The following EXT2 variants were observed in gnomAD, a reference collection of about 807,000 sequenced individuals.
EXT2 encodes the protein exostosin glycosyltransferase 2.
A neutral mutation model predicts 81.6 loss-of-function variants in EXT2; 53 were observed. The observed-to-expected ratio is 0.65, with a 90% CI of 0.52 to 0.82. The LOEUF (loss-of-function observed/expected upper bound fraction) is 0.82, where lower values mean the gene tolerates loss of function less well. Ranked by LOEUF, EXT2 falls within the 40% of genes least tolerant of loss-of-function variation. The pLI is 0.00. For missense variants in EXT2, 774 were observed against 910.2 expected (o/e 0.85, Z 1.93); for synonymous variants, 320 against 340.0 (o/e 0.94, Z 0.65).
Position 44,220,817 on chromosome 11 carries a change from GA to G in EXT2, c.1663-11534del, listed in dbSNP as rs761921246. 2.0e-5 allele frequency among the ~76,000 whole-genome samples: 3 copies of G among 152,182 alleles called. No individual in the cohort carries two copies. Among genetic ancestry groups the G allele is most frequent in the Non-Finnish European group, 2.9e-5 (2 of 68,032 alleles). On this transcript the variant is annotated intron_variant, in intron 10 of 13. Coordinates refer to ENST00000533608, the MANE Select transcript of EXT2 (RefSeq NM_207122.2). This position sits in a 1 kb window ranked among gnomAD's most constrained non-coding sequence, Gnocchi z 4.4. ...AAAGAAGATCCCAAGTAGTGGGCCA[GA>G]AGCCCAGGGAGGTGCTGAAGGAAGC... is the stretch of plus-strand genomic sequence containing the variant.
chr11:44,105,998 TG>T (rs1451863363), intron 1 of EXT2, among the ~76,000 whole-genome samples: 1 of 152,206 alleles, frequency 6.6e-6, no homozygotes, highest in African/African-American at 2.4e-5. Flanking sequence ...CCGTGTCCAC[TG>T]GGGCAGGTTG....
intron 8 of EXT2, among the ~76,000 whole-genome samples, chr11:44,194,608 C>G: frequency 6.6e-6 from 1 of 152,092 alleles, no homozygotes; most frequent in Non-Finnish European, 1.5e-5. Context: ...ACATCATTTG[C>G]TATTTCTAGT....
In EXT2 at chr11:44,114,214, C is replaced by T. The variant is rs202208526; in HGVS notation, c.656C>T (p.Thr219Met). Residue 219 changes from threonine to methionine, a missense_variant, in exon 4 of 14, where the codon ACG (threonine) becomes ATG (methionine). Transcript: ENST00000533608. The stretch of plus-strand genomic sequence containing the variant: ...CTGTTGGCTGGTGGCGGCTTTTCTA[C>T]GTGGACTTACCGGCAAGGCTACGAT... ...RALLAGGGFS[T>M]WTYRQGYDVS... 1.2e-5 allele frequency: 19 copies of T among 1,613,956 alleles called. No homozygotes were observed. The highest frequency in any genetic ancestry group is 1.0e-4 in the Admixed American group (6 of 60,002).
chr11:44,224,174 A>T (rs1345413095), intron 10 of EXT2, among the ~76,000 whole-genome samples: 1 of 152,232 alleles, frequency 6.6e-6, no homozygotes, highest in African/African-American at 2.4e-5. Context: ...TTTAAAAAAT[A>T]TTGGGAGCTT....
intron 1 of EXT2, chr11:44,103,739 G>A: frequency 5.2e-6 from 2 of 387,146 alleles, no homozygotes; most frequent in South Asian, 4.0e-5. Flanking sequence ...TCCTTGAGAT[G>A]CTTTTGGTAA....
At chr11:44,226,274 TC>T (rs1955837334) in intron 10 of EXT2, among the ~76,000 whole-genome samples, 1 of 152,182 alleles carries the variant, frequency 6.6e-6, no homozygotes, top group Non-Finnish European at 1.5e-5. Flanking sequence ...TTAAGCAAGC[TC>T]CTGCCTGGGG....
At position 44,248,712 on chromosome 11, in the gene EXT2, C is replaced by T. The variant is rs1956115634; in HGVS notation, c.*4425C>T. Among the ~76,000 whole-genome samples the T allele has an allele frequency of 6.6e-6, 1 of 152,178 alleles. No homozygotes were observed. Among genetic ancestry groups the T allele is most frequent in the South Asian group, 2.1e-4 (1 of 4,826 alleles). Reference sequence around the variant, plus strand: ...CAAGCCACAGCCTCTTTTCCACCTCCATTAAATGGACTGTTAGGGATGCCC... The same window carrying T: ...CAAGCCACAGCCTCTTTTCCACCTCTATTAAATGGACTGTTAGGGATGCCC... On this transcript the variant is annotated 3_prime_UTR_variant, in exon 14 of 14. Transcript: ENST00000533608.
intron 8 of EXT2, among the ~76,000 whole-genome samples, chr11:44,192,218 C>T (rs188862424): frequency 5.3e-5 from 8 of 152,130 alleles, no homozygotes; most frequent in Admixed American, 5.2e-4. Context: ...CTTTGGCCAG[C>T]CCTCTCCTGC....
chr11:44,223,212 T>C (rs1265764498), intron 10 of EXT2, among the ~76,000 whole-genome samples: 1 of 152,182 alleles, frequency 6.6e-6, no homozygotes, highest in Non-Finnish European at 1.5e-5. Flanking sequence ...CTCTGAAAAA[T>C]AGTTTTGGTA....
chr11:44,103,578 G>A, intron 1 of EXT2: 1 of 399,896 alleles, frequency 2.5e-6, no homozygotes. Context: ...CTGAACTCTG[G>A]AATAATTTGT....
intron 13 of EXT2, 34 bp from the exon 14 acceptor site, chr11:44,244,115 C>A: frequency 6.2e-7 from 1 of 1,611,082 alleles, no homozygotes; most frequent in South Asian, 1.1e-5. Context: ...TCTGCTCAAA[C>A]CCCTCCTCCC....
intron 8 of EXT2, among the ~76,000 whole-genome samples, chr11:44,177,209 G>T (rs1450210795): frequency 6.6e-6 from 1 of 152,166 alleles, no homozygotes; most frequent in South Asian, 2.1e-4. Flanking sequence ...TCTTTATTAG[G>T]GGAAGTGTGC....
intron 7 of EXT2, among the ~76,000 whole-genome samples, chr11:44,152,913 G>C (rs1193260536): frequency 6.6e-6 from 1 of 152,160 alleles, no homozygotes; most frequent in African/African-American, 2.4e-5. Flanking sequence ...ATATCACACT[G>C]TCTTGATGAC....
At chr11:44,189,516 G>A (rs1240858969) in intron 8 of EXT2, among the ~76,000 whole-genome samples, 1 of 152,226 alleles carries the variant, frequency 6.6e-6, no homozygotes, top group Non-Finnish European at 1.5e-5. Flanking sequence ...AATCATGGCG[G>A]AAGGCAAAAG....
chr11:44,131,100 T>C (rs1350735861), intron 7 of EXT2, among the ~76,000 whole-genome samples: 1 of 152,248 alleles, frequency 6.6e-6, no homozygotes. Flanking sequence ...CTTGGGGCTC[T>C]GCAGTGTGAC....
intron 9 of EXT2, 152 bp downstream of exon 9, chr11:44,198,170 T>G (rs1955481159): frequency 1.2e-6 from 1 of 821,620 alleles, no homozygotes; most frequent in African/African-American, 1.7e-5. Flanking sequence ...CTCATTCTTG[T>G]TCTAGGGTGG....
chr11:44,219,164 T>C (rs75695037), intron 10 of EXT2, among the ~76,000 whole-genome samples: 3,267 of 152,026 alleles, frequency 0.021, 54 homozygotes, highest in Non-Finnish European at 0.033. Flanking sequence ...AATTGAAAAA[T>C]AGAAATGACA....
chr11:44,174,383 A>G (rs931129158), intron 8 of EXT2, among the ~76,000 whole-genome samples: 1 of 151,888 alleles, frequency 6.6e-6, no homozygotes, highest in Non-Finnish European at 1.5e-5. Flanking sequence ...TAGAAGAAAG[A>G]TTTGTCTTTC....
intron 7 of EXT2, among the ~76,000 whole-genome samples, chr11:44,168,626 A>G (rs193125073): frequency 2.0e-5 from 3 of 152,352 alleles, no homozygotes; most frequent in Non-Finnish European, 2.9e-5. Flanking sequence ...AAGGTGCACC[A>G]GTAAGATTGT....
Sources: gnomAD v4.1 joint callset for allele counts (sites outside exome capture counted in the v4.1 genomes callset) on GRCh38, gnomAD v4.1.1 for gene constraint, Gnocchi (gnomAD v3.1) non-coding constraint, MANE v1.5 for transcripts, NCBI Gene and HGNC (gene_info 2026-07-23, HGNC 2026-07-21) for gene names.